The following COQ8A variants were observed in gnomAD, a reference collection of about 807,000 sequenced individuals.
COQ8A encodes the protein coenzyme Q8A.
A neutral mutation model predicts 65.0 loss-of-function variants in COQ8A; 51 were observed. The ratio of observed to expected loss-of-function variants is 0.78; its 90% confidence interval spans 0.63 to 0.99. The LOEUF (loss-of-function observed/expected upper bound fraction) is 0.99. COQ8A is among the 50% of genes least tolerant of loss of function. The pLI is 0.00. For synonymous variants in COQ8A, 371 were observed against 353.2 expected, an observed-to-expected ratio of 1.05 and a Z score of -0.57; for missense variants, 940 against 875.0, an observed-to-expected ratio of 1.07 and a Z score of -0.94.
At chr1:226,982,385 G>A (rs984330512) in intron 6 of COQ8A, 20 of 650,022 alleles carry the variant, frequency 3.1e-5, no homozygotes, top group African/African-American at 2.7e-4. Context: ...CAGAACACAG[G>A]TCATTTCAAC....
chr1:226,958,218 C>T (rs891785284), intron 1 of COQ8A: 3 of 152,128 alleles, frequency 2.0e-5, no homozygotes, highest in South Asian at 4.2e-4. Context: ...CAAAAATAAC[C>T]GTCATGCCAC....
intron 2 of COQ8A, among the ~76,000 whole-genome samples, chr1:226,962,790 C>T (rs550569441): frequency 1.3e-5 from 2 of 152,364 alleles, no homozygotes; most frequent in South Asian, 4.1e-4. Flanking sequence ...CACCTGTGCT[C>T]TCCCCCGAGC....
intron 1 of COQ8A, among the ~76,000 whole-genome samples, chr1:226,944,432 G>GA (rs1168922714): frequency 6.6e-6 from 1 of 151,752 alleles, no homozygotes; most frequent in Non-Finnish European, 1.5e-5. Flanking sequence ...GAAGGCAAAA[G>GA]AAAAAAATAG....
At position 226,964,983 on chromosome 1, in the gene COQ8A, G is replaced by T. The variant is rs751333921; in HGVS notation, c.178-17G>T. 2.9e-5 allele frequency: 46 copies of T among 1,613,456 alleles called. No homozygotes were observed. The East Asian group carries it at 1.0e-3, about 36-fold the overall frequency. ...GCTCGCTCTTGCTCTCCTAATGCTG[G>T]CCTTTGCTCCCTGCAGGGTCAGGAT... On this transcript the variant is annotated splice_polypyrimidine_tract_variant and intron_variant, in intron 2 of 14. Transcript: ENST00000366777.
chr1:226,960,348 G>GCGGTGCT (rs1658116432), intron 1 of COQ8A, among the ~76,000 whole-genome samples: 1 of 148,192 alleles, frequency 6.7e-6, no homozygotes, highest in African/African-American at 2.6e-5. Flanking sequence ...CTTGGTGGTG[G>GCGGTGCT]TGGTGGTGGT....
intron 5 of COQ8A, among the ~76,000 whole-genome samples, chr1:226,980,412 G>T (rs1057393302): frequency 1.3e-5 from 2 of 152,214 alleles, no homozygotes; most frequent in African/African-American, 4.8e-5. Context: ...TGTGTCATGA[G>T]GAGACAGACT....
intron 1 of COQ8A, among the ~76,000 whole-genome samples, chr1:226,960,784 AG>A (rs34483700): frequency 6.6e-6 from 1 of 151,964 alleles, no homozygotes; most frequent in African/African-American, 2.4e-5. Context: ...GCTGACCCTG[AG>A]GGGTCAGGGA....
At chr1:226,942,770 T>C (rs1164036966) in intron 1 of COQ8A, among the ~76,000 whole-genome samples, 1 of 152,208 alleles carries the variant, frequency 6.6e-6, no homozygotes, top group African/African-American at 2.4e-5. Flanking sequence ...GAAGCATCAG[T>C]GTCAAGGTCA....
chr1:226,958,895 G>C (rs1343187278), intron 1 of COQ8A, among the ~76,000 whole-genome samples: 2 of 152,192 alleles, frequency 1.3e-5, no homozygotes, highest in East Asian at 1.9e-4. Flanking sequence ...GTGGGAGACT[G>C]GTGTTCCTAG....
chr1:226,983,492 C>T (rs1231624338), intron 8 of COQ8A, 60 bp from the exon 9 acceptor site: 1 of 1,522,378 alleles, frequency 6.6e-7, no homozygotes. Flanking sequence ...GGGGAGTGCC[C>T]CAGGCAGGGC....
rs1558209080 is a variant in COQ8A, at chr1:226,984,586, G to GT, written c.1439dup (p.Glu481ArgfsTer17). 2.5e-6 allele frequency: 4 copies of GT among 1,614,162 alleles called. No homozygotes were observed. Among genetic ancestry groups the GT allele is most frequent in the Non-Finnish European group, 3.4e-6 (4 of 1,179,998 alleles). Reference sequence around the variant, plus strand: ...TCCTGGTTCTGTGCCTGAGGGAGCTGTTCGAGTTCCACTTCATGCAAACAG... The same window carrying GT: ...TCCTGGTTCTGTGCCTGAGGGAGCTGTTTCGAGTTCCACTTCATGCAAACAG... On this transcript the variant is annotated frameshift_variant, in exon 12 of 15. Coordinates refer to ENST00000366777, the MANE Select transcript of COQ8A (RefSeq NM_020247.5). LOFTEE classifies it high-confidence loss of function.
At chr1:226,944,687 TACC>T (rs1233051854) in intron 1 of COQ8A, among the ~76,000 whole-genome samples, 1 of 123,660 alleles carries the variant, frequency 8.1e-6, no homozygotes, top group African/African-American at 3.1e-5. Context: ...TGAGGAGTTG[TACC>T]CTGAGAGAGA....
intron 8 of COQ8A, 161 bp downstream of exon 8, chr1:226,983,195 A>G: frequency 8.7e-7 from 1 of 1,149,098 alleles, no homozygotes; most frequent in African/African-American, 1.6e-5. Context: ...GGACGGCACC[A>G]GAAGCTTGGG....
At chr1:226,944,778 TGAGA>T (rs199912393) in intron 1 of COQ8A, among the ~76,000 whole-genome samples, 1 of 82,390 alleles carries the variant, frequency 1.2e-5, no homozygotes, top group Admixed American at 1.2e-4. Context: ...AGAGAGAGAG[TGAGA>T]GAGAGAGAGT....
At chr1:226,968,880 T>C (rs1436911061) in intron 4 of COQ8A, among the ~76,000 whole-genome samples, 1 of 152,182 alleles carries the variant, frequency 6.6e-6, no homozygotes. Flanking sequence ...TATTAGATTT[T>C]CTTAAAGAGT....
At position 226,984,228 on chromosome 1, in the gene COQ8A, G is replaced by C; in HGVS notation, c.1391G>C (p.Arg464Pro). The change falls in exon 11 of 15, where the codon CGG becomes CCG. Residue 464 changes from arginine (R) to proline (P), a missense_variant. Coordinates refer to ENST00000366777, the MANE Select transcript of COQ8A (RefSeq NM_020247.5). ...DQAEGLSQEI[R>P]NEICYNILVL... ...GCCGAAGGGCTCAGCCAGGAGATTC[G>C]GAACGAGGTTTGTCTGTGCCAGCAG... 1 of 1,613,610 alleles carries C rather than the reference G, an allele frequency of 6.2e-7. No homozygotes were observed. Among genetic ancestry groups the C allele is most frequent in the Non-Finnish European group, 8.5e-7 (1 of 1,179,972 alleles).
At position 226,955,227 on chromosome 1, in the gene COQ8A, C is replaced by T. The variant is rs115029877; in HGVS notation, c.-9-6150C>T. Among the ~76,000 whole-genome samples the T allele has an allele frequency of 9.6e-3, 1,465 of 152,018 alleles. 12 individuals carry two copies. Among genetic ancestry groups the T allele is most frequent in the Non-Finnish European group, 0.016 (1,103 of 67,872 alleles). On this transcript the variant is annotated intron_variant, in intron 1 of 14. Coordinates refer to ENST00000366777, the MANE Select transcript of COQ8A (RefSeq NM_020247.5). ...TGTGGGTGGTAAGGTCAGTTTGGGA[C>T]GTACTTCCTATAGGAGGTACCTATA...
chr1:226,982,844 G>A, intron 7 of COQ8A, 50 bp from the exon 8 acceptor site: 1 of 1,612,632 alleles, frequency 6.2e-7, no homozygotes, highest in Non-Finnish European at 8.5e-7. Flanking sequence ...GCTTCTCCCG[G>A]TGGCCCAGGC....
chr1:226,960,526 G>A (rs1304280654), intron 1 of COQ8A, among the ~76,000 whole-genome samples: 2 of 150,646 alleles, frequency 1.3e-5, no homozygotes, highest in East Asian at 3.9e-4. Flanking sequence ...GTGGTGCTTG[G>A]TGGTGGTGGT....
Sources: allele counts gnomAD v4.1 joint callset (sites outside exome capture counted in the v4.1 genomes callset), GRCh38; gene constraint gnomAD v4.1.1; transcripts MANE v1.5; gene names NCBI Gene and HGNC (gene_info 2026-07-23, HGNC 2026-07-21).